Variants in NFIC observed in about 807,000 individuals in gnomAD.
NFIC encodes the protein nuclear factor 1 C-type.
A neutral mutation model predicts 54.4 loss-of-function variants in NFIC; 12 were observed. The observed-to-expected ratio is 0.22, with a 90% CI of 0.14 to 0.36. The LOEUF (loss-of-function observed/expected upper bound fraction) is 0.36, where lower values mean the gene tolerates loss of function less well. Ranked by LOEUF, NFIC falls within the 10% of genes least tolerant of loss-of-function variation. The pLI, the probability that NFIC is intolerant of heterozygous loss-of-function variation, is 1.00. For missense variants in NFIC, 575 were observed against 718.2 expected (o/e 0.80, Z 2.28); for synonymous variants, 322 against 319.2 (o/e 1.01, Z -0.09).
intron 7 of NFIC, among the ~76,000 whole-genome samples, chr19:3,450,153 GGCTAACATGGTGAA>G (rs2082437624): frequency 6.6e-6 from 1 of 151,410 alleles, no homozygotes; most frequent in Admixed American, 6.6e-5. Flanking sequence ...AGACCATCCT[GGCTAACATGGTGAA>G]ACCCCGTCTC....
At chr19:3,444,781 G>T (rs1433630902) in intron 6 of NFIC, among the ~76,000 whole-genome samples, 1 of 152,188 alleles carries the variant, frequency 6.6e-6, no homozygotes, top group Non-Finnish European at 1.5e-5. Context: ...CCCTGCGCTT[G>T]CAGGGAGCTG....
At position 3,453,568 on chromosome 19, in the gene NFIC, CA is replaced by C. The variant is rs1289470322; in HGVS notation, c.1270-193del. On this transcript the variant is annotated intron_variant, in intron 8 of 10. Coordinates refer to ENST00000443272, the MANE Select transcript of NFIC (RefSeq NM_001245002.2). This position sits in a 1 kb window ranked among gnomAD's most constrained non-coding sequence, Gnocchi z 6.7. ...AGTGCCGGGCTTTGAGTGACACCAG[CA>C]AGCGGGTGTCCCCAGGCCCCTCCAC... Among the ~76,000 whole-genome samples, 1 of 152,144 alleles carries C rather than the reference CA, an allele frequency of 6.6e-6. No homozygotes were observed. The highest frequency in any genetic ancestry group is 1.5e-5 in the Non-Finnish European group (1 of 67,992).
chr19:3,426,219 C>T (rs1182937521), intron 3 of NFIC, among the ~76,000 whole-genome samples: 1 of 151,910 alleles, frequency 6.6e-6, no homozygotes, highest in Non-Finnish European at 1.5e-5. Context: ...AGGCATGAGC[C>T]ACCGCGCCTG....
At chr19:3,380,464 T>C (rs1445939432) in intron 1 of NFIC, among the ~76,000 whole-genome samples, 1 of 151,482 alleles carries the variant, frequency 6.6e-6, no homozygotes, top group Non-Finnish European at 1.5e-5. Context: ...TAGCTGGGAT[T>C]ACAGGTGTGC....
At position 3,370,142 on chromosome 19, in the gene NFIC, C is replaced by T. The variant is rs2080973653; in HGVS notation, c.30+3476C>T. ...CTACCAGGAGCAGGGGGCCTGCAGC[C>T]CCTCAGTGCCGGGAGAGGGGCTAAG... On this transcript the variant is annotated intron_variant, in intron 1 of 10. Coordinates refer to ENST00000443272, the MANE Select transcript of NFIC (RefSeq NM_001245002.2). This position sits in a 1 kb window ranked among gnomAD's most constrained non-coding sequence, Gnocchi z 5.2. 6.6e-6 allele frequency among the ~76,000 whole-genome samples: 1 copy of T among 152,186 alleles called. No individual in the cohort carries two copies. The highest frequency in any genetic ancestry group is 1.5e-5 in the Non-Finnish European group (1 of 68,030).
In NFIC at chr19:3,462,847, T is replaced by C; in HGVS notation, c.*78T>C. The C allele has an allele frequency of 6.2e-7, 1 of 1,608,420 alleles. No homozygotes were observed. Among genetic ancestry groups the C allele is most frequent in the Non-Finnish European group, 8.5e-7 (1 of 1,178,488 alleles). On this transcript the variant is annotated 3_prime_UTR_variant, in exon 11 of 11. Coordinates refer to ENST00000443272, the MANE Select transcript of NFIC (RefSeq NM_001245002.2). ...CAGCACAGCCGGCCCCCGGCCCACG[T>C]TTTCGGTGGAAAATTAGAGTGAACA...
At chr19:3,389,124 A>G (rs1358080052) in intron 2 of NFIC, among the ~76,000 whole-genome samples, 1 of 152,312 alleles carries the variant, frequency 6.6e-6, no homozygotes, top group Admixed American at 6.5e-5. Flanking sequence ...CATACAGTGC[A>G]GGCCGTGCAC....
chr19:3,364,762 G>C (rs942748394), upstream of NFIC, among the ~76,000 whole-genome samples: 1 of 152,192 alleles, frequency 6.6e-6, no homozygotes, highest in Non-Finnish European at 1.5e-5. Context: ...ACAGGGGAGG[G>C]AGGGTGGAAG....
intron 6 of NFIC, among the ~76,000 whole-genome samples, chr19:3,444,400 G>T (rs1198131220): frequency 6.6e-6 from 1 of 152,236 alleles, no homozygotes; most frequent in African/African-American, 2.4e-5. Flanking sequence ...TCCCTGAGAG[G>T]AAAGATGGCC....
At chr19:3,399,819 C>T (rs777532358) in intron 2 of NFIC, among the ~76,000 whole-genome samples, 20 of 150,018 alleles carry the variant, frequency 1.3e-4, no homozygotes, top group Non-Finnish European at 2.5e-4. Context: ...TGTAGTGAGC[C>T]GAGATCGTGC....
At chr19:3,405,125 G>A (rs1289350216) in intron 2 of NFIC, among the ~76,000 whole-genome samples, 3 of 152,250 alleles carry the variant, frequency 2.0e-5, no homozygotes, top group Admixed American at 6.5e-5. Context: ...TCCGAAGCAG[G>A]TTGGCTCCGG....
In NFIC at chr19:3,462,911, A is replaced by AAAACACATAG. The variant is rs2082662365; in HGVS notation, c.*144_*153dup. On this transcript the variant is annotated 3_prime_UTR_variant, in exon 11 of 11. Coordinates refer to ENST00000443272, the MANE Select transcript of NFIC (RefSeq NM_001245002.2). ...CGACTCCCAGCCCGGCCAAAAAGAC[A>AAAACACATAG]AAACACATAGACGCACACACTCAGG... The AAAACACATAG allele has an allele frequency of 1.3e-6, 2 of 1,549,376 alleles. No homozygotes were observed. Among genetic ancestry groups the AAAACACATAG allele is most frequent in the African/African-American group, 2.8e-5 (2 of 72,552 alleles).
rs533879530 is a variant in NFIC at position 3,414,192 on chromosome 19, C to T, written c.563-10914C>T. Among the ~76,000 whole-genome samples the T allele has an allele frequency of 9.2e-5, 14 of 152,280 alleles. No individual in the cohort carries two copies. The South Asian group carries it at 1.9e-3, about 20-fold the overall frequency. ...GCCCAGGGCCACACAGCCGGAAGCC[C>T]GCCAACTCTTTTAGTAAAGGGCCAG... On this transcript the variant is annotated intron_variant, in intron 2 of 10. Transcript: ENST00000443272.
At chr19:3,415,718 C>G (rs1179423101) in intron 2 of NFIC, among the ~76,000 whole-genome samples, 1 of 152,112 alleles carries the variant, frequency 6.6e-6, no homozygotes, top group Non-Finnish European at 1.5e-5. Flanking sequence ...CGTAAATGCT[C>G]TCCCTAGACA....
upstream of NFIC, chr19:3,366,547 T>TGG (rs1297245047): frequency 1.7e-5 from 6 of 353,468 alleles, no homozygotes; most frequent in South Asian, 6.5e-5. Context: ...GGGGGGGGGT[T>TGG]GGGGGGGGCG....
At chr19:3,448,657 T>C (rs1225736284) in intron 6 of NFIC, among the ~76,000 whole-genome samples, 4 of 152,166 alleles carry the variant, frequency 2.6e-5, no homozygotes, top group Non-Finnish European at 1.5e-5. Context: ...TGACTGTCTC[T>C]GCCCTCCCTG....
intron 6 of NFIC, among the ~76,000 whole-genome samples, chr19:3,438,229 C>T (rs1201619435): frequency 6.6e-6 from 1 of 151,980 alleles, no homozygotes; most frequent in Non-Finnish European, 1.5e-5. Flanking sequence ...ACTTTTCTGC[C>T]CGGCTGCTCA....
rs564276839 is a variant in NFIC, at chr19:3,368,156, C to T, written c.30+1490C>T. Among the ~76,000 whole-genome samples the T allele has an allele frequency of 1.6e-4, 24 of 152,306 alleles. No homozygotes were observed. In the South Asian group the frequency reaches 5.0e-3, roughly 32 times the overall value. The stretch of plus-strand genomic sequence containing the variant: ...GGCACGCTGTGTGACCTCGGGCAGC[C>T]TTTGAAGTCTCTGGGCTTGTGGGGT... On this transcript the variant is annotated intron_variant, in intron 1 of 10. Transcript: ENST00000443272.
At chr19:3,371,524 T>C (rs77166016) in intron 1 of NFIC, 24,826 of 151,836 alleles carry the variant, frequency 0.16, 2,359 homozygotes, top group East Asian at 0.46. Flanking sequence ...TGAATGTTTT[T>C]GGTTGAGAGG....
Sources: allele counts gnomAD v4.1 joint callset (sites outside exome capture counted in the v4.1 genomes callset), GRCh38; gene constraint gnomAD v4.1.1; non-coding constraint Gnocchi (gnomAD v3.1); transcripts MANE v1.5; gene names NCBI Gene and HGNC (gene_info 2026-07-23, HGNC 2026-07-21).